SLC49A4: variants seen among roughly 807,000 people sequenced by gnomAD.
The protein encoded by SLC49A4 is solute carrier family 49 member 4.
In SLC49A4, 36 loss-of-function variants were observed where a neutral mutation model predicts 50.6. The observed-to-expected ratio is 0.71, with a 90% CI of 0.55 to 0.94. The LOEUF is 0.94. Among genes scored for constraint, SLC49A4 ranks in the 40% least tolerant of loss-of-function variants. The pLI, the probability that SLC49A4 is intolerant of heterozygous loss-of-function variation, is 0.00. For missense variants in SLC49A4, 503 were observed against 605.7 expected (o/e 0.83, Z 1.78); for synonymous variants, 248 against 241.2 (o/e 1.03, Z -0.26).
At position 122,806,965 on chromosome 3, in the gene SLC49A4, T is replaced by C; in HGVS notation, c.437+15T>C. On this transcript the variant is annotated intron_variant, in intron 2 of 8. Coordinates refer to ENST00000261038, the MANE Select transcript of SLC49A4 (RefSeq NM_032839.3). ...CTTAAAAGAAGGTAAATCCTGTAAA[T>C]AACATTTCTCCCCCATTTTTCATTT... 2.1e-6 allele frequency: 3 copies of C among 1,438,918 alleles called. No homozygotes were observed. The highest frequency in any genetic ancestry group is 2.9e-6 in the Non-Finnish European group (3 of 1,028,632). The allele number at this position is 1,438,918 out of a possible 1,614,324, so 89.1% of individuals were successfully genotyped here.
intron 1 of SLC49A4, among the ~76,000 whole-genome samples, chr3:122,800,623 A>G (rs1249913054): frequency 3.9e-5 from 6 of 152,222 alleles, no homozygotes; most frequent in Admixed American, 2.6e-4. Flanking sequence ...TGCTGTAGCC[A>G]TGTAGGCAAG....
chr3:122,833,586 T>C, intron 4 of SLC49A4, 140 bp downstream of exon 4: 1 of 742,528 alleles, frequency 1.3e-6, no homozygotes, highest in Non-Finnish European at 1.9e-6. Context: ...ACTAATTGAA[T>C]ATTTTAGATT....
At chr3:122,865,774 A>G (rs1248733370) in intron 7 of SLC49A4, among the ~76,000 whole-genome samples, 1 of 152,172 alleles carries the variant, frequency 6.6e-6, no homozygotes, top group Non-Finnish European at 1.5e-5. Flanking sequence ...TTTATCATGA[A>G]ATAAAAGTTC....
chr3:122,813,109 G>A (rs1936321652), intron 2 of SLC49A4, among the ~76,000 whole-genome samples: 2 of 151,978 alleles, frequency 1.3e-5, no homozygotes, highest in Admixed American at 6.6e-5. Flanking sequence ...AATTAGCCGG[G>A]CGTGGAGGCG....
intron 2 of SLC49A4, among the ~76,000 whole-genome samples, chr3:122,822,629 T>C (rs1936469000): frequency 6.6e-6 from 1 of 152,204 alleles, no homozygotes; most frequent in African/African-American, 2.4e-5. Flanking sequence ...TGTTGACCAC[T>C]TGCTCTTATG....
At chr3:122,829,961 A>G (rs1197546086) in intron 3 of SLC49A4, among the ~76,000 whole-genome samples, 1 of 152,242 alleles carries the variant, frequency 6.6e-6, no homozygotes, top group Non-Finnish European at 1.5e-5. Context: ...GGAGTTCACT[A>G]AAAACTATTA....
intron 1 of SLC49A4, among the ~76,000 whole-genome samples, chr3:122,803,584 A>G (rs1044327973): frequency 6.6e-6 from 1 of 152,134 alleles, no homozygotes; most frequent in Non-Finnish European, 1.5e-5. Context: ...GGAAAAGGGG[A>G]TCTGCCCCGG....
At chr3:122,820,975 C>T (rs535401868) in intron 2 of SLC49A4, among the ~76,000 whole-genome samples, 112 of 152,344 alleles carry the variant, frequency 7.4e-4, no homozygotes, top group African/African-American at 2.4e-3. Flanking sequence ...GTGGGAGAGA[C>T]CTGGTGGGAG....
At chr3:122,807,045 G>A (rs910710412) in intron 2 of SLC49A4, 95 bp downstream of exon 2, 24 of 672,352 alleles carry the variant, frequency 3.6e-5, no homozygotes, top group African/African-American at 1.5e-4. Flanking sequence ...TTATAGAAGC[G>A]TTTATTTTTT....
intron 1 of SLC49A4, among the ~76,000 whole-genome samples, chr3:122,797,096 G>A (rs1212525974): frequency 2.6e-5 from 4 of 152,166 alleles, no homozygotes; most frequent in Non-Finnish European, 2.9e-5. Context: ...TGGAATCCAT[G>A]TGAAAAAGAC....
intron 8 of SLC49A4, among the ~76,000 whole-genome samples, chr3:122,877,977 T>G (rs183408756): frequency 1.2e-4 from 18 of 152,324 alleles, no homozygotes; most frequent in Non-Finnish European, 8.8e-5. Context: ...GTCTGACTTT[T>G]AAAACATAGT....
In SLC49A4 at chr3:122,880,028, T is replaced by C. The variant is rs1937315691; in HGVS notation, c.*650T>C. On this transcript the variant is annotated 3_prime_UTR_variant, in exon 9 of 9. Coordinates refer to ENST00000261038, the MANE Select transcript of SLC49A4 (RefSeq NM_032839.3). ...TGTCTCCATCTCAACTTATCCTTGTTTCTGTGAAATACAATTTCATCTACT... is the reference window on the plus strand; with the variant it reads ...TGTCTCCATCTCAACTTATCCTTGTCTCTGTGAAATACAATTTCATCTACT... 1 of 152,582 alleles carries C rather than the reference T, an allele frequency of 6.6e-6. No individual in the cohort carries two copies. The highest frequency in any genetic ancestry group is 1.5e-5 in the Non-Finnish European group (1 of 68,034). 9.5% of individuals were successfully genotyped at this position (152,582 alleles called of 1,614,324 possible).
chr3:122,857,696 A>G (rs1937006170), intron 6 of SLC49A4, among the ~76,000 whole-genome samples: 1 of 152,182 alleles, frequency 6.6e-6, no homozygotes, highest in Admixed American at 6.5e-5. Context: ...ATTTGTAGGA[A>G]ATCACTGATA....
At chr3:122,858,161 A>G (rs1023686262) in intron 6 of SLC49A4, among the ~76,000 whole-genome samples, 1 of 152,212 alleles carries the variant, frequency 6.6e-6, no homozygotes, top group Non-Finnish European at 1.5e-5. Context: ...ACCACTATTA[A>G]AGATACTTCT....
At chr3:122,837,935 C>G (rs1220387779) in intron 4 of SLC49A4, among the ~76,000 whole-genome samples, 2 of 152,126 alleles carry the variant, frequency 1.3e-5, no homozygotes, top group African/African-American at 4.8e-5. Flanking sequence ...GACATTAATG[C>G]AGCCAAAAAA....
At chr3:122,808,605 T>TTAA (rs1220686275) in intron 2 of SLC49A4, among the ~76,000 whole-genome samples, 1 of 152,090 alleles carries the variant, frequency 6.6e-6, no homozygotes, top group African/African-American at 2.4e-5. Context: ...ACCAGATTCT[T>TTAA]TAAGACCACG....
At chr3:122,803,508 G>C (rs1017990568) in intron 1 of SLC49A4, among the ~76,000 whole-genome samples, 1 of 152,190 alleles carries the variant, frequency 6.6e-6, no homozygotes, top group African/African-American at 2.4e-5. Flanking sequence ...AAACAGGCAT[G>C]ATGTCATTAG....
Position 122,795,251 on chromosome 3 carries a change from G to A in SLC49A4, c.59G>A (p.Gly20Glu), listed in dbSNP as rs1935998291. Residue 20 changes from glycine (G) to glutamate (E), a missense_variant, in exon 1 of 9, where the codon GGG becomes GAG. Physicochemically the swap from Gly to Glu is moderately conservative, Grantham distance 98 (BLOSUM62 -2). Coordinates refer to ENST00000261038, the MANE Select transcript of SLC49A4 (RefSeq NM_032839.3). Reference protein sequence around the residue: ...ERQPLLGPGLGPGLGASWRSR... With the variant: ...ERQPLLGPGLEPGLGASWRSR... ...CAGCCGCTGCTGGGGCCCGGGCTCG[G>A]GCCTGGGCTGGGGGCCTCCTGGAGA... The A allele has an allele frequency of 7.3e-7, 1 of 1,378,166 alleles. No individual in the cohort carries two copies. Among genetic ancestry groups the A allele is most frequent in the Non-Finnish European group, 9.3e-7 (1 of 1,077,994 alleles). 85.4% of individuals were successfully genotyped at this position (1,378,166 alleles called of 1,614,324 possible). A position where few individuals can be genotyped will look rare whatever the true frequency, so the allele number is the denominator to read the frequency against.
intron 2 of SLC49A4, among the ~76,000 whole-genome samples, chr3:122,820,143 G>A (rs1189036074): frequency 6.6e-6 from 1 of 152,208 alleles, no homozygotes; most frequent in African/African-American, 2.4e-5. Flanking sequence ...TGTGCCTTTG[G>A]ATTTAAGGAA....
Sources: allele counts gnomAD v4.1 joint callset (sites outside exome capture counted in the v4.1 genomes callset), GRCh38; gene constraint gnomAD v4.1.1; transcripts MANE v1.5; gene names NCBI Gene and HGNC (gene_info 2026-07-23, HGNC 2026-07-21).